ZNF385A: variants seen among roughly 807,000 people sequenced by gnomAD.
ZNF385A encodes zinc finger protein 385A, also known as hematopoietic zinc finger protein.
A neutral mutation model predicts 32.1 loss-of-function variants in ZNF385A; 14 were observed. The observed-to-expected ratio is 0.44, with a 90% CI of 0.29 to 0.68. ZNF385A has a LOEUF of 0.68. Ranked by LOEUF, ZNF385A falls within the 30% of genes least tolerant of loss-of-function variation. The pLI is 0.14. For missense variants in ZNF385A, 406 were observed against 478.4 expected, an observed-to-expected ratio of 0.85 and a Z score of 1.41; for synonymous variants, 197 against 202.7, an observed-to-expected ratio of 0.97 and a Z score of 0.24.
rs1954828515 is a variant in ZNF385A at position 54,375,955 on chromosome 12, C to A, written c.88-1G>T. The stretch of plus-strand genomic sequence containing the variant: ...GCACAGCCTTCTGCACAGGGTCCAT[C>A]TGTGGAGGCAGGCTGGGGTGAGCCG... On this transcript the variant is annotated splice_acceptor_variant, in intron 1 of 6. Coordinates refer to ENST00000394313, the MANE Select transcript of ZNF385A (RefSeq NM_015481.3). LOFTEE classifies it high-confidence loss of function. The A allele has an allele frequency of 6.2e-7, 1 of 1,613,746 alleles. No homozygotes were observed. The highest frequency in any genetic ancestry group is 8.5e-7 in the Non-Finnish European group (1 of 1,179,764).
chr12:54,378,735 T>C (rs1954972963), intron 1 of ZNF385A, among the ~76,000 whole-genome samples: 1 of 151,268 alleles, frequency 6.6e-6, no homozygotes, highest in African/African-American at 2.4e-5. Flanking sequence ...GGAGGGATGC[T>C]GGGAAGGGGC....
chr12:54,371,776 G>T, intron 3 of ZNF385A, 61 bp from the exon 4 acceptor site: 1 of 1,593,166 alleles, frequency 6.3e-7, no homozygotes. Context: ...GACTCTTCAT[G>T]TGGAAGAGAC....
At chr12:54,387,814 TCA>T (rs974400198), upstream of ZNF385A, among the ~76,000 whole-genome samples, 4 of 152,134 alleles carry the variant, frequency 2.6e-5, no homozygotes, top group Admixed American at 2.0e-4. Context: ...TTGGCCAAGG[TCA>T]CACAGTTAGT....
intron 1 of ZNF385A, 126 bp from the exon 2 acceptor site, chr12:54,376,080 ATCTGAGCC>A: frequency 1.4e-6 from 1 of 691,584 alleles, no homozygotes; most frequent in East Asian, 2.7e-5. Context: ...TGCCTGAGGG[ATCTGAGCC>A]TCAGTCTTCT....
chr12:54,372,112 G>A (rs1388231216), intron 3 of ZNF385A, among the ~76,000 whole-genome samples: 2 of 152,192 alleles, frequency 1.3e-5, no homozygotes, highest in Non-Finnish European at 2.9e-5. Flanking sequence ...GGAAGTACAC[G>A]AAAGAGCCCT....
intron 2 of ZNF385A, among the ~76,000 whole-genome samples, chr12:54,374,745 G>A (rs1954750722): frequency 6.6e-6 from 1 of 151,552 alleles, no homozygotes; most frequent in South Asian, 2.1e-4. Flanking sequence ...ATGGGGGAGG[G>A]GAGGGTAGGG....
At chr12:54,385,525 C>T, upstream of ZNF385A, 1 of 586,068 alleles carries the variant, frequency 1.7e-6, no homozygotes, top group Non-Finnish European at 2.2e-6. Context: ...TTCACTGCTC[C>T]AGTAACCCCC....
rs1271424 is a variant in ZNF385A at position 54,382,177 on chromosome 12, T to C, written c.87+2251A>G. Among the ~76,000 whole-genome samples, 722 of 151,894 alleles carry C rather than the reference T, an allele frequency of 4.8e-3. 5 individuals carry two copies. Among genetic ancestry groups the C allele is most frequent in the African/African-American group, 0.016 (682 of 41,426 alleles). ...CTGCCTCCCAGGTTCATGCCATTCTTCTGCCTCAGCCTCCGGAGTAGCTGG... is the reference window on the plus strand; with the variant it reads ...CTGCCTCCCAGGTTCATGCCATTCTCCTGCCTCAGCCTCCGGAGTAGCTGG... On this transcript the variant is annotated intron_variant, in intron 1 of 6. Transcript: ENST00000394313.
In ZNF385A at chr12:54,371,621, A is replaced by G; in HGVS notation, c.456T>C (p.Gly152=). 2.5e-6 allele frequency: 4 copies of G among 1,612,060 alleles called. No homozygotes were observed. The highest frequency in any genetic ancestry group is 2.5e-6 in the Non-Finnish European group (3 of 1,179,332). Residue 152 remains glycine, a synonymous_variant, in exon 4 of 7, where the codon GGT becomes GGC. Coordinates refer to ENST00000394313, the MANE Select transcript of ZNF385A (RefSeq NM_015481.3). ...SPPSIPETGQ[G]VTKGEGGTPA... is the part of the protein sequence containing the mutation. The stretch of plus-strand genomic sequence containing the variant: ...GAGTCCCCCCTTCACCCTTGGTTAC[A>G]CCCTGACCAGTCTCCGGAATGCTGG...
At chr12:54,386,128 A>G (rs559383599), upstream of ZNF385A, among the ~76,000 whole-genome samples, 24 of 151,276 alleles carry the variant, frequency 1.6e-4, no homozygotes, top group Non-Finnish European at 2.8e-4. Context: ...CTTTGTGTCT[A>G]TTCCCTCCTC....
In ZNF385A at chr12:54,384,675, C is replaced by T. The variant is rs1463560169; in HGVS notation, c.-161G>A. 1.4e-6 allele frequency: 2 copies of T among 1,411,900 alleles called. No homozygotes were observed. The highest frequency in any genetic ancestry group is 1.8e-6 in the Non-Finnish European group (2 of 1,088,510). 87.5% of individuals were successfully genotyped at this position (1,411,900 alleles called of 1,614,324 possible). On this transcript the variant is annotated 5_prime_UTR_variant, in exon 1 of 7. In the 5' UTR this introduces an upstream ATG that the reference lacks. Transcript: ENST00000394313. Reference sequence around the variant, plus strand: ...AGGGCCCCCACACTCAGAAGTGTCACCCTCAGTGCACATAGTGTACACACT... The same window carrying T: ...AGGGCCCCCACACTCAGAAGTGTCATCCTCAGTGCACATAGTGTACACACT...
chr12:54,372,442 T>A (rs1376975807), intron 3 of ZNF385A, among the ~76,000 whole-genome samples: 1 of 152,232 alleles, frequency 6.6e-6, no homozygotes, highest in Admixed American at 6.5e-5. Flanking sequence ...TTGTTCATCC[T>A]ATGTCCTTCC....
At chr12:54,374,831 A>C (rs1229668440) in intron 2 of ZNF385A, among the ~76,000 whole-genome samples, 1 of 152,142 alleles carries the variant, frequency 6.6e-6, no homozygotes, top group Non-Finnish European at 1.5e-5. Flanking sequence ...GAGTGGAGCC[A>C]GGGTTGATAG....
At chr12:54,386,653 AC>A (rs1285953763), upstream of ZNF385A, among the ~76,000 whole-genome samples, 2 of 151,834 alleles carry the variant, frequency 1.3e-5, no homozygotes, top group African/African-American at 4.8e-5. Context: ...CCCAGCATCC[AC>A]CCCCAGCAGC....
At chr12:54,377,548 C>T (rs1022511525) in intron 1 of ZNF385A, among the ~76,000 whole-genome samples, 1 of 152,058 alleles carries the variant, frequency 6.6e-6, no homozygotes, top group African/African-American at 2.4e-5. Context: ...GCGTCGGGGG[C>T]TTTGATGGCA....
chr12:54,386,231 T>C (rs938412532), upstream of ZNF385A, among the ~76,000 whole-genome samples: 2 of 136,224 alleles, frequency 1.5e-5, no homozygotes, highest in African/African-American at 2.8e-5. Context: ...CAGATGAAAG[T>C]GAGTGAGAGG....
chr12:54,390,297 C>T (rs1460248778), intron 1 of ZNF385A, among the ~76,000 whole-genome samples: 1 of 152,018 alleles, frequency 6.6e-6, no homozygotes, highest in Non-Finnish European at 1.5e-5. Context: ...ATGCAGCCGG[C>T]GCTGATGCAG....
chr12:54,386,784 C>G (rs1955499265), upstream of ZNF385A, among the ~76,000 whole-genome samples: 1 of 152,192 alleles, frequency 6.6e-6, no homozygotes, highest in Admixed American at 6.5e-5. Context: ...TAAGAGGAGA[C>G]AGCAGAGTTC....
chr12:54,374,197 C>CAG (rs3034352), intron 2 of ZNF385A, 62 bp from the exon 3 acceptor site: 1,095,732 of 1,393,400 alleles, frequency 0.79, 435,241 homozygotes, highest in Middle Eastern at 0.87. Context: ...GATCTCCCCA[C>CAG]AGAGCTCCCT....
Sources: gnomAD v4.1 joint callset for allele counts (sites outside exome capture counted in the v4.1 genomes callset) on GRCh38, gnomAD v4.1.1 for gene constraint, MANE v1.5 for transcripts, NCBI Gene and HGNC (gene_info 2026-07-23, HGNC 2026-07-21) for gene names.